Variants in TRMT1L observed in about 807,000 individuals in gnomAD.
TRMT1L encodes tRNA (guanine(27)-N(2))-dimethyltransferase.
A neutral mutation model predicts 81.6 loss-of-function variants in TRMT1L; 28 were observed. The observed-to-expected ratio is 0.34, with a 90% CI of 0.25 to 0.47. The LOEUF (loss-of-function observed/expected upper bound fraction) is 0.47, where lower values mean the gene tolerates loss of function less well. Among genes scored for constraint, TRMT1L ranks in the 20% least tolerant of loss-of-function variants. TRMT1L has a pLI of 1.00. For missense variants in TRMT1L, 739 were observed against 877.1 expected (o/e 0.84, Z 1.99); for synonymous variants, 301 against 303.2 (o/e 0.99, Z 0.07).
rs751169789 is a variant in TRMT1L, at chr1:185,123,924, AAAAT to A, written c.1760-9_1760-6del. ...TAATAAATACACCATTTTCTTCTAA[AAAAT>A]AAAGCAAATGGGAAAAGAAAATATT... On this transcript the variant is annotated splice_region_variant and splice_polypyrimidine_tract_variant and intron_variant, in intron 12 of 14. Transcript: ENST00000367506. 4.2e-6 allele frequency: 6 copies of A among 1,440,032 alleles called. No individual in the cohort carries two copies. Among genetic ancestry groups the A allele is most frequent in the Middle Eastern group, 1.8e-4 (1 of 5,554 alleles). 89.2% of individuals were successfully genotyped at this position (1,440,032 alleles called of 1,614,324 possible). A position where few individuals can be genotyped will look rare whatever the true frequency, so the allele number is the denominator to read the frequency against.
At position 185,128,763 on chromosome 1, in the gene TRMT1L, AAAAGGAGAAATC is replaced by A. The variant is rs757548913; in HGVS notation, c.1514-28_1514-17del. On this transcript the variant is annotated splice_polypyrimidine_tract_variant and intron_variant, in intron 10 of 14. Transcript: ENST00000367506. ...TATGGGTTTTCTGTAAAAAGATAAT[AAAAGGAGAAATC>A]AAAGGAGAAATGACTAATACAAATA... The A allele has an allele frequency of 8.8e-6, 14 of 1,588,468 alleles. No homozygotes were observed. In the South Asian group the frequency reaches 1.0e-4, roughly 12 times the overall value.
Position 185,140,098 on chromosome 1 carries a change from C to T in TRMT1L, c.984G>A (p.Val328=), listed in dbSNP as rs576271013. ...ENCHLNKLKV[V]VDSKEKEKSD... is the part of the protein sequence containing the mutation. ...TCTTTTCCTTTTCCTTACTGTCCACCACCACTTTCAATTTGTTTAAATGGC... is the reference window on the plus strand; with the variant it reads ...TCTTTTCCTTTTCCTTACTGTCCACTACCACTTTCAATTTGTTTAAATGGC... Residue 328 remains valine (V), a synonymous_variant, in exon 8 of 15, where the codon GTG becomes GTA. Transcript: ENST00000367506. 1.2e-5 allele frequency: 20 copies of T among 1,613,582 alleles called. No individual in the cohort carries two copies. Among genetic ancestry groups the T allele is most frequent in the Non-Finnish European group, 1.6e-5 (19 of 1,179,838 alleles).
upstream of TRMT1L, chr1:185,157,071 A>C: frequency 3.8e-6 from 1 of 264,624 alleles, no homozygotes; most frequent in Non-Finnish European, 7.4e-6. Context: ...AACAAAGACT[A>C]CAGCACCCAG....
intron 10 of TRMT1L, among the ~76,000 whole-genome samples, 191 bp from the exon 11 acceptor site, chr1:185,128,938 A>AT: frequency 6.6e-6 from 1 of 152,298 alleles, no homozygotes; most frequent in East Asian, 1.9e-4. Flanking sequence ...ATACACACAT[A>AT]TATGTGCACA....
intron 13 of TRMT1L, among the ~76,000 whole-genome samples, chr1:185,122,241 C>G (rs1021308441): frequency 7.2e-5 from 11 of 152,130 alleles, no homozygotes; most frequent in Admixed American, 1.3e-4. Context: ...CTGCAATGAA[C>G]ATATAACGTA....
chr1:185,129,313 C>A (rs986481065), intron 10 of TRMT1L, among the ~76,000 whole-genome samples: 8 of 152,200 alleles, frequency 5.3e-5, no homozygotes, highest in Non-Finnish European at 1.5e-5. Flanking sequence ...GTTAACTCTT[C>A]CGCAGTTGGA....
At chr1:185,121,737 G>A (rs1175350826) in intron 13 of TRMT1L, among the ~76,000 whole-genome samples, 3 of 152,000 alleles carry the variant, frequency 2.0e-5, no homozygotes, top group Non-Finnish European at 2.9e-5. Flanking sequence ...ATCATCAGCA[G>A]TATATAGATT....
At chr1:185,148,370 C>T (rs542137287) in intron 3 of TRMT1L, among the ~76,000 whole-genome samples, 3 of 152,290 alleles carry the variant, frequency 2.0e-5, no homozygotes, top group African/African-American at 7.2e-5. Context: ...AAGGCCAACT[C>T]CATTTCTCTA....
Position 185,145,518 on chromosome 1 carries a change from T to C in TRMT1L, c.576A>G (p.Thr192=), listed in dbSNP as rs750459037. The change falls in exon 5 of 15, where the codon ACA becomes ACG. Residue 192 remains threonine (T), a synonymous_variant. Coordinates refer to ENST00000367506, the MANE Select transcript of TRMT1L (RefSeq NM_030934.5). ...AHYHCIICSA[T]ITRRTDMLGH... ...CTAGCATATCAGTTCTTCTGGTGATTGTTGCTGAACAAATGATACAATGAT... is the reference window on the plus strand; with the variant it reads ...CTAGCATATCAGTTCTTCTGGTGATCGTTGCTGAACAAATGATACAATGAT... 4 of 1,612,168 alleles carry C rather than the reference T, an allele frequency of 2.5e-6. No individual in the cohort carries two copies. Among genetic ancestry groups the C allele is most frequent in the African/African-American group, 1.3e-5 (1 of 74,868 alleles).
intron 7 of TRMT1L, among the ~76,000 whole-genome samples, chr1:185,140,548 G>T (rs1375868379): frequency 1.3e-5 from 2 of 152,016 alleles, no homozygotes; most frequent in South Asian, 4.2e-4. Context: ...ATACAAATGG[G>T]ATTACTCTGC....
Position 185,142,455 on chromosome 1 carries a change from C to T in TRMT1L, c.859+902G>A, listed in dbSNP as rs140635554. On this transcript the variant is annotated intron_variant, in intron 7 of 14. Coordinates refer to ENST00000367506, the MANE Select transcript of TRMT1L (RefSeq NM_030934.5). The stretch of plus-strand genomic sequence containing the variant: ...TATAAAGAAGGACCTGGATTGGGTA[C>T]GGAGGCTTTTTAGAAATTTTCTACT... 1.7e-3 allele frequency among the ~76,000 whole-genome samples: 253 copies of T among 152,144 alleles called. 1 individual carries two copies. Among genetic ancestry groups the T allele is most frequent in the African/African-American group, 5.5e-3 (228 of 41,510 alleles).
At chr1:185,155,340 TC>T (rs1042479292) in intron 1 of TRMT1L, among the ~76,000 whole-genome samples, 8 of 152,138 alleles carry the variant, frequency 5.3e-5, no homozygotes, top group African/African-American at 1.9e-4. Flanking sequence ...TCCCCATGCC[TC>T]CCCGATCCCT....
intron 11 of TRMT1L, among the ~76,000 whole-genome samples, chr1:185,125,502 A>G (rs1329012141): frequency 6.6e-6 from 1 of 152,048 alleles, no homozygotes; most frequent in East Asian, 1.9e-4. Flanking sequence ...ACTCATTTTT[A>G]TCATATCAGT....
chr1:185,137,583 CATAAT>C lies in TRMT1L; in HGVS notation c.1513+18_1513+22del. ...TATTCAGTGGAGGATTATAGATAAA[CATAAT>C]ATATAACTTGAATTTACCTTCTACC... is the stretch of plus-strand genomic sequence containing the variant. On this transcript the variant is annotated intron_variant, in intron 10 of 14. Transcript: ENST00000367506. The C allele has an allele frequency of 6.2e-7, 1 of 1,601,856 alleles. No homozygotes were observed. The highest frequency in any genetic ancestry group is 2.2e-5 in the East Asian group (1 of 44,802).
chr1:185,120,454 A>T lies in TRMT1L; in HGVS notation c.1878T>A (p.Asp626Glu). ...AAAAGGGAGGATGTTCAGTACTGAC[A>T]TCAGTCTTTTGCTTCTTGCCTAAAT... ...ITNLGKKQKT[D>E]VSTEHPPFYY... is the part of the protein sequence containing the mutation. Residue 626 changes from aspartate to glutamate, a missense_variant, in exon 14 of 15, where the codon GAT (aspartate) becomes GAA (glutamate). Physicochemically the swap from Asp to Glu is conservative, Grantham distance 45. Transcript: ENST00000367506. 1 of 1,603,472 alleles carries T rather than the reference A, an allele frequency of 6.2e-7. No individual in the cohort carries two copies. The highest frequency in any genetic ancestry group is 8.5e-7 in the Non-Finnish European group (1 of 1,176,098).
At chr1:185,155,221 A>T (rs982144889) in intron 1 of TRMT1L, among the ~76,000 whole-genome samples, 2 of 152,236 alleles carry the variant, frequency 1.3e-5, no homozygotes, top group Non-Finnish European at 2.9e-5. Flanking sequence ...GTGAGGAGGT[A>T]GAGAATGCAT....
At chr1:185,148,413 C>A (rs1304244546) in intron 3 of TRMT1L, among the ~76,000 whole-genome samples, 3 of 152,198 alleles carry the variant, frequency 2.0e-5, no homozygotes, top group Non-Finnish European at 4.4e-5. Flanking sequence ...GCATTCTTGG[C>A]TCTTTCTCTC....
At chr1:185,136,288 A>T (rs1164694495) in intron 10 of TRMT1L, among the ~76,000 whole-genome samples, 2 of 152,288 alleles carry the variant, frequency 1.3e-5, no homozygotes, top group South Asian at 4.1e-4. Context: ...GTGTGCCTAT[A>T]GTCCCAGGTA....
intron 3 of TRMT1L, 150 bp downstream of exon 3, chr1:185,150,229 G>A (rs1653305023): frequency 3.2e-6 from 2 of 624,584 alleles, no homozygotes; most frequent in Non-Finnish European, 5.6e-6. Flanking sequence ...GCTATATGGT[G>A]TTTTATTAAA....
Sources: gnomAD v4.1 joint callset for allele counts (sites outside exome capture counted in the v4.1 genomes callset) on GRCh38, gnomAD v4.1.1 for gene constraint, MANE v1.5 for transcripts, NCBI Gene and HGNC (gene_info 2026-07-23, HGNC 2026-07-21) for gene names.